PITPNB: variants seen among roughly 807,000 people sequenced by gnomAD.
The protein encoded by PITPNB is phosphatidylinositol transfer protein beta isoform.
In PITPNB, 16 loss-of-function variants were observed where a neutral mutation model predicts 45.9. The ratio of observed to expected loss-of-function variants is 0.35; its 90% CI spans 0.24 to 0.53. The LOEUF (loss-of-function observed/expected upper bound fraction) is 0.53, where lower values mean the gene tolerates loss of function less well. Among genes scored for constraint, PITPNB ranks in the 20% least tolerant of loss-of-function variants. The probability of loss-of-function intolerance (pLI) is 0.93; values close to 1 mark genes in which losing one functional copy is unlikely to be tolerated. For synonymous variants in PITPNB, 112 were observed against 108.9 expected, an observed-to-expected ratio of 1.03 and a Z score of -0.18; for missense variants, 188 against 330.5, an observed-to-expected ratio of 0.57 and a Z score of 3.34.
intron 3 of PITPNB, among the ~76,000 whole-genome samples, chr22:27,907,378 G>C (rs1006652671): frequency 2.0e-5 from 3 of 152,192 alleles, no homozygotes; most frequent in African/African-American, 7.2e-5. Context: ...TCCTGTGGCT[G>C]ATGTGCTTTC....
At chr22:27,874,134 A>G (rs1314504767) in intron 7 of PITPNB, among the ~76,000 whole-genome samples, 1 of 152,260 alleles carries the variant, frequency 6.6e-6, no homozygotes, top group Non-Finnish European at 1.5e-5. Flanking sequence ...TAATTTAAGC[A>G]TTTTGATATA....
intron 9 of PITPNB, among the ~76,000 whole-genome samples, chr22:27,858,801 C>T (rs1452636400): frequency 6.6e-6 from 1 of 152,084 alleles, no homozygotes. Context: ...CAACACATTC[C>T]TGCTGGGCCT....
At chr22:27,911,138 G>T in intron 2 of PITPNB, 29 bp from the exon 3 acceptor site, 1 of 1,582,898 alleles carries the variant, frequency 6.3e-7, no homozygotes, top group Non-Finnish European at 8.7e-7. Flanking sequence ...CAGAAACTGA[G>T]TAAGTCAGTA....
intron 1 of PITPNB, among the ~76,000 whole-genome samples, chr22:27,917,206 T>C (rs144516381): frequency 1.6e-3 from 245 of 152,380 alleles, no homozygotes; most frequent in African/African-American, 5.5e-3. Context: ...AGCAAATGTT[T>C]GCAAAAAGCA....
chr22:27,870,318 T>C (rs1934619043), intron 8 of PITPNB, among the ~76,000 whole-genome samples: 1 of 152,204 alleles, frequency 6.6e-6, no homozygotes, highest in Admixed American at 6.5e-5. Flanking sequence ...CCCTAGTCAG[T>C]CTGGTGCAGA....
At chr22:27,897,698 G>A (rs1601416126) in intron 4 of PITPNB, 103 bp downstream of exon 4, 9 of 789,716 alleles carry the variant, frequency 1.1e-5, no homozygotes, top group Admixed American at 7.8e-5. Context: ...AAGAACCCAA[G>A]GAAGACCTTG....
chr22:27,901,794 G>A (rs1166529936), intron 3 of PITPNB, among the ~76,000 whole-genome samples: 1 of 152,100 alleles, frequency 6.6e-6, no homozygotes, highest in East Asian at 1.9e-4. Context: ...TGAGGCAGGA[G>A]AGTCGCTTGA....
intron 6 of PITPNB, among the ~76,000 whole-genome samples, chr22:27,895,554 C>T (rs1847975154): frequency 6.6e-6 from 1 of 151,574 alleles, no homozygotes; most frequent in Admixed American, 6.6e-5. Flanking sequence ...CACGTGATTG[C>T]ACCCCAGCCT....
chr22:27,905,652 T>G (rs1776752905), intron 3 of PITPNB, among the ~76,000 whole-genome samples: 1 of 152,226 alleles, frequency 6.6e-6, no homozygotes, highest in Admixed American at 6.5e-5. Context: ...AAAAACCTCT[T>G]CTGTTTCGAC....
At chr22:27,857,497 G>C (rs1934205936) in intron 10 of PITPNB, among the ~76,000 whole-genome samples, 2 of 152,198 alleles carry the variant, frequency 1.3e-5, no homozygotes, top group Non-Finnish European at 2.9e-5. Context: ...CTGATTTGCT[G>C]CCATTCTCCT....
At chr22:27,917,966 A>C (rs181506070) in intron 1 of PITPNB, among the ~76,000 whole-genome samples, 3 of 152,342 alleles carry the variant, frequency 2.0e-5, no homozygotes, top group East Asian at 1.9e-4. Context: ...TAGTGTGCCA[A>C]GGGAAGAACA....
intron 11 of PITPNB, among the ~76,000 whole-genome samples, chr22:27,854,452 T>C (rs1934114968): frequency 6.6e-6 from 1 of 152,240 alleles, no homozygotes; most frequent in African/African-American, 2.4e-5. Flanking sequence ...GGTTGGCTCG[T>C]ATGGTATGGG....
rs749967396 is a variant in PITPNB at position 27,873,819 on chromosome 22, C to A, written c.457-4G>T. The A allele has an allele frequency of 3.8e-6, 6 of 1,595,114 alleles. No individual in the cohort carries two copies. The highest frequency in any genetic ancestry group is 1.7e-4 in the Middle Eastern group (1 of 6,024). ...GGTCTTCATCAGCTTTGTAGTCCTG[C>A]AAAGCAAAACAAAGTCAGAGGCAGA... On this transcript the variant is annotated splice_region_variant and splice_polypyrimidine_tract_variant and intron_variant, in intron 7 of 11. Transcript: ENST00000335272.
chr22:27,854,237 A>ATTTTT (rs200320101), intron 11 of PITPNB, among the ~76,000 whole-genome samples: 1 of 144,058 alleles, frequency 6.9e-6, no homozygotes, highest in African/African-American at 2.5e-5. Flanking sequence ...GGAGATTTTG[A>ATTTTT]TTTTTTTTTT....
At chr22:27,860,294 C>A in intron 8 of PITPNB, 53 bp from the exon 9 acceptor site, 2 of 1,101,346 alleles carry the variant, frequency 1.8e-6, no homozygotes, top group East Asian at 2.4e-5. Flanking sequence ...TTTATGTTTT[C>A]ATTAAAATTG....
intron 8 of PITPNB, 66 bp downstream of exon 8, chr22:27,873,672 G>A: frequency 1.1e-6 from 1 of 940,110 alleles, no homozygotes; most frequent in Admixed American, 1.9e-5. Context: ...AGCTCTTCAA[G>A]ACTCAGGACC....
chr22:27,915,162 T>C (rs986287602), intron 1 of PITPNB, among the ~76,000 whole-genome samples: 1 of 152,186 alleles, frequency 6.6e-6, no homozygotes, highest in Non-Finnish European at 1.5e-5. Flanking sequence ...TCCCTGTATA[T>C]CAATGGTCTC....
At chr22:27,899,479 G>C (rs1050796319) in intron 3 of PITPNB, among the ~76,000 whole-genome samples, 1 of 152,020 alleles carries the variant, frequency 6.6e-6, no homozygotes, top group Admixed American at 6.6e-5. Flanking sequence ...CCCGCCACTA[G>C]GCCCGGCTAA....
At chr22:27,918,950 G>C (rs1043498451) in intron 1 of PITPNB, among the ~76,000 whole-genome samples, 15 of 151,738 alleles carry the variant, frequency 9.9e-5, no homozygotes, top group African/African-American at 3.6e-4. Flanking sequence ...AGCCGCCTTC[G>C]CCCCGGGGAA....
Sources: gnomAD v4.1 joint callset for allele counts (sites outside exome capture counted in the v4.1 genomes callset) on GRCh38, gnomAD v4.1.1 for gene constraint, MANE v1.5 for transcripts, NCBI Gene and HGNC (gene_info 2026-07-23, HGNC 2026-07-21) for gene names.